The following PLAAT3 variants were observed in gnomAD, a reference collection of about 807,000 sequenced individuals.
PLAAT3 encodes the protein Ca-independent phospholipase A1/2.
Under a neutral mutation model 16.7 loss-of-function variants are expected in PLAAT3, and 21 were observed. The ratio of observed to expected loss-of-function variants is 1.26; its 90% CI spans 0.89 to 1.81. The LOEUF is 1.81. Among genes scored for constraint, PLAAT3 ranks in the 40% most tolerant of loss-of-function variants. The pLI is 0.00. For synonymous variants in PLAAT3, 76 were observed against 81.7 expected, an observed-to-expected ratio of 0.93 and a Z score of 0.38; for missense variants, 219 against 213.7, an observed-to-expected ratio of 1.02 and a Z score of -0.16.
At chr11:63,592,983 C>A (rs1938189606) in intron 3 of PLAAT3, among the ~76,000 whole-genome samples, 1 of 152,144 alleles carries the variant, frequency 6.6e-6, no homozygotes, top group Non-Finnish European at 1.5e-5. Context: ...GTATCACTGA[C>A]CTGATGGTCT....
chr11:63,610,025 A>C (rs1364638403), intron 2 of PLAAT3, among the ~76,000 whole-genome samples: 1 of 152,144 alleles, frequency 6.6e-6, no homozygotes, highest in East Asian at 1.9e-4. Context: ...CAGAGATGGG[A>C]ATTAACTTCC....
At chr11:63,587,871 T>C (rs1191135331) in intron 4 of PLAAT3, among the ~76,000 whole-genome samples, 1 of 152,074 alleles carries the variant, frequency 6.6e-6, no homozygotes, top group African/African-American at 2.4e-5. Context: ...TCTAGGATGC[T>C]AGTAAAGAGA....
At chr11:63,599,445 C>T (rs1306457274) in intron 2 of PLAAT3, among the ~76,000 whole-genome samples, 1 of 152,074 alleles carries the variant, frequency 6.6e-6, no homozygotes, top group Non-Finnish European at 1.5e-5. Flanking sequence ...CTCCCCTGGG[C>T]GCAAATGATG....
chr11:63,580,932 A>T (rs1466123676), intron 4 of PLAAT3, among the ~76,000 whole-genome samples: 2 of 152,244 alleles, frequency 1.3e-5, no homozygotes, highest in African/African-American at 4.8e-5. Context: ...GACATTTATC[A>T]GTTCCCAAAA....
chr11:63,599,372 G>T (rs866810326), intron 2 of PLAAT3, among the ~76,000 whole-genome samples: 2 of 152,144 alleles, frequency 1.3e-5, no homozygotes, highest in Admixed American at 1.3e-4. Context: ...CAGCAAGCTT[G>T]GTGGCCCTAC....
chr11:63,601,055 AT>A (rs149796053), intron 2 of PLAAT3, among the ~76,000 whole-genome samples: 5,015 of 145,000 alleles, frequency 0.035, 254 homozygotes, highest in African/African-American at 0.12. Flanking sequence ...AAAAAAAAAA[AT>A]TTTTTTTTTT....
intron 2 of PLAAT3, among the ~76,000 whole-genome samples, chr11:63,605,645 C>T (rs1295448694): frequency 2.6e-5 from 4 of 151,918 alleles, no homozygotes; most frequent in Admixed American, 6.5e-5. Context: ...CTCCGCCTCC[C>T]GGGTTCACGC....
At chr11:63,578,211 A>G (rs1241668482) in intron 4 of PLAAT3, among the ~76,000 whole-genome samples, 3 of 152,086 alleles carry the variant, frequency 2.0e-5, no homozygotes, top group Non-Finnish European at 2.9e-5. Flanking sequence ...TGAACCTGGA[A>G]GGCAGAGGTT....
upstream of PLAAT3, among the ~76,000 whole-genome samples, chr11:63,615,068 G>A (rs12788529): frequency 7.8e-3 from 233 of 30,040 alleles, 39 homozygotes; most frequent in African/African-American, 8.7e-3. Context: ...ATATATGTGT[G>A]TATATATGTG....
At position 63,590,154 on chromosome 11, in the gene PLAAT3, C is replaced by T. The variant is rs761660292; in HGVS notation, c.333G>A (p.Glu111=). ...GCTCATTCACAAAGTGCTCGCAGTTCTCACTGGTCAGCTTGTAGAGCACCT... is the reference window on the plus strand; with the variant it reads ...GCTCATTCACAAAGTGCTCGCAGTTTTCACTGGTCAGCTTGTAGAGCACCT... ...GQEVLYKLTS[E]NCEHFVNELR... is the part of the protein sequence containing the mutation. The change falls in exon 4 of 5, where the codon GAG becomes GAA. Residue 111 remains glutamate (E), a synonymous_variant. Transcript: ENST00000415826. 1.1e-5 allele frequency: 18 copies of T among 1,614,218 alleles called. No individual in the cohort carries two copies. The South Asian group carries it at 2.0e-4, about 18-fold the overall frequency.
chr11:63,603,968 A>G (rs1346516871), intron 2 of PLAAT3, among the ~76,000 whole-genome samples: 1 of 152,178 alleles, frequency 6.6e-6, no homozygotes, highest in Non-Finnish European at 1.5e-5. Flanking sequence ...CCTGGCCAAC[A>G]TGGCAAAACC....
At chr11:63,603,554 C>G (rs890353255) in intron 2 of PLAAT3, among the ~76,000 whole-genome samples, 1 of 151,760 alleles carries the variant, frequency 6.6e-6, no homozygotes, top group African/African-American at 2.4e-5. Flanking sequence ...ATCTGTGCAG[C>G]AAACCACCAT....
intron 4 of PLAAT3, among the ~76,000 whole-genome samples, chr11:63,588,587 G>A (rs1938046696): frequency 6.6e-6 from 1 of 152,098 alleles, no homozygotes; most frequent in Non-Finnish European, 1.5e-5. Context: ...AACTCTCAGG[G>A]AAGTTGAAGC....
At chr11:63,606,223 G>C (rs1938555025) in intron 2 of PLAAT3, among the ~76,000 whole-genome samples, 1 of 152,176 alleles carries the variant, frequency 6.6e-6, no homozygotes, top group African/African-American at 2.4e-5. Context: ...CACCAATCTA[G>C]GCACCTGGGC....
intron 2 of PLAAT3, among the ~76,000 whole-genome samples, chr11:63,600,925 T>G (rs984463432): frequency 6.6e-6 from 1 of 151,730 alleles, no homozygotes; most frequent in Non-Finnish European, 1.5e-5. Context: ...ATCCTGAATG[T>G]GGCAACCATT....
chr11:63,585,456 C>T (rs541701735), intron 4 of PLAAT3, among the ~76,000 whole-genome samples: 2 of 151,710 alleles, frequency 1.3e-5, no homozygotes, highest in South Asian at 2.1e-4. Flanking sequence ...TTACATCTGG[C>T]GGTGGGATGC....
chr11:63,574,524 C>T lies in PLAAT3; in HGVS notation c.*421G>A, dbSNP rs186546244. The T allele has an allele frequency of 1.4e-3, 210 of 155,282 alleles. No individual in the cohort carries two copies. Among genetic ancestry groups the T allele is most frequent in the Non-Finnish European group, 2.1e-3 (151 of 71,442 alleles). 9.6% of individuals were successfully genotyped at this position (155,282 alleles called of 1,614,324 possible). ...CCAGCTGCTGAGTCTCAGAGGCCAT[C>T]CTAGATCTAGTTCCGGGCCAAGGGT... On this transcript the variant is annotated 3_prime_UTR_variant, in exon 5 of 5. Coordinates refer to ENST00000415826, the MANE Select transcript of PLAAT3 (RefSeq NM_001128203.2).
chr11:63,601,228 G>A (rs1938421035), intron 2 of PLAAT3, among the ~76,000 whole-genome samples: 1 of 150,978 alleles, frequency 6.6e-6, no homozygotes, highest in Non-Finnish European at 1.5e-5. Flanking sequence ...CTATTTTTTT[G>A]TATTTTTAGT....
intron 3 of PLAAT3, 31 bp from the exon 4 acceptor site, chr11:63,590,399 T>C (rs760191461): frequency 5.6e-5 from 90 of 1,608,860 alleles, no homozygotes; most frequent in Admixed American, 1.8e-4. Context: ...AACAGAGGGA[T>C]TGGTCCTGGG....
Sources: gnomAD v4.1 joint callset for allele counts (sites outside exome capture counted in the v4.1 genomes callset) on GRCh38, gnomAD v4.1.1 for gene constraint, MANE v1.5 for transcripts, NCBI Gene and HGNC (gene_info 2026-07-23, HGNC 2026-07-21) for gene names.